Variants in DDB2 observed in about 807,000 individuals in gnomAD.
The protein encoded by DDB2 is damage specific DNA binding protein 2.
Under a neutral mutation model 50.5 loss-of-function variants are expected in DDB2, and 27 were observed. The ratio of observed to expected loss-of-function variants is 0.53; its 90% CI spans 0.39 to 0.74. The LOEUF is 0.74. DDB2 is among the 30% of genes least tolerant of loss of function. DDB2 has a pLI of 0.00. For missense variants in DDB2, 424 were observed against 545.6 expected, an observed-to-expected ratio of 0.78 and a Z score of 2.22; for synonymous variants, 176 against 205.5, an observed-to-expected ratio of 0.86 and a Z score of 1.23.
rs374456936 is a variant in DDB2 at position 47,216,290 on chromosome 11, C to G, written c.128-46C>G. On this transcript the variant is annotated intron_variant, in intron 1 of 9. Coordinates refer to ENST00000256996, the MANE Select transcript of DDB2 (RefSeq NM_000107.3). ...CCTTTCGGGGAATTCAGCAGAAAAA[C>G]CTTTCGTGAGATTGGAGAGGAAAAT... 2.3e-5 allele frequency: 37 copies of G among 1,613,912 alleles called. No homozygotes were observed. In the African/African-American group the frequency reaches 4.0e-4, roughly 17 times the overall value.
upstream of DDB2, chr11:47,214,856 C>G (rs1404904636): frequency 2.0e-6 from 1 of 503,054 alleles, no homozygotes; most frequent in Non-Finnish European, 3.6e-6. Flanking sequence ...GGCCCTGGCG[C>G]AGTTCCCGCC....
At chr11:47,216,104 T>C in intron 1 of DDB2, 3 of 665,672 alleles carry the variant, frequency 4.5e-6, no homozygotes, top group Non-Finnish European at 8.1e-6. Flanking sequence ...ACGACTGTAT[T>C]TACTTTCACT....
At chr11:47,224,031 G>A (rs991452270) in intron 3 of DDB2, among the ~76,000 whole-genome samples, 1 of 151,326 alleles carries the variant, frequency 6.6e-6, no homozygotes, top group East Asian at 2.0e-4. Context: ...AGCCCAGGGG[G>A]ACAAGGCTTC....
intron 3 of DDB2, among the ~76,000 whole-genome samples, chr11:47,218,668 G>C (rs1270456243): frequency 6.6e-6 from 1 of 151,892 alleles, no homozygotes; most frequent in Non-Finnish European, 1.5e-5. Flanking sequence ...TGACATTGGA[G>C]GGCTGTGCTG....
intron 3 of DDB2, among the ~76,000 whole-genome samples, chr11:47,228,054 C>T (rs939438864): frequency 6.9e-6 from 1 of 145,966 alleles, no homozygotes; most frequent in African/African-American, 2.5e-5. Context: ...GCAAGAGAAT[C>T]GTTTGAACTT....
In DDB2 at chr11:47,238,442, G is replaced by A. The variant is rs4647757; in HGVS notation, c.1234+259G>A. Among the ~76,000 whole-genome samples the A allele has an allele frequency of 0.3, 45,666 of 151,260 alleles. 8,204 individuals are homozygous for A. The highest frequency in any genetic ancestry group is 0.69 in the East Asian group (3,564 of 5,142). On this transcript the variant is annotated intron_variant, in intron 9 of 9. Transcript: ENST00000256996. ...AGACGGAGTCTCGCTCTGTCCCCCCGGGCTGGAGTGCAGTGGCGTGATCTT... is the reference window on the plus strand; with the variant it reads ...AGACGGAGTCTCGCTCTGTCCCCCCAGGCTGGAGTGCAGTGGCGTGATCTT...
chr11:47,219,327 G>A (rs999523102), intron 3 of DDB2, among the ~76,000 whole-genome samples: 3 of 151,784 alleles, frequency 2.0e-5, no homozygotes, highest in Non-Finnish European at 4.4e-5. Flanking sequence ...CAATGGCGTT[G>A]GGTAAATTGT....
At chr11:47,226,978 T>G (rs1953567838) in intron 3 of DDB2, among the ~76,000 whole-genome samples, 1 of 151,970 alleles carries the variant, frequency 6.6e-6, no homozygotes, top group African/African-American at 2.4e-5. Flanking sequence ...AAAATTTTTT[T>G]TTATAGAGAT....
rs1953670903 is a variant in DDB2 at position 47,232,952 on chromosome 11, A to G, written c.595A>G (p.Thr199Ala). Reference sequence around the variant, plus strand: ...TCTACGAGTTTTTGCCAGCTCAGACACCATCAAGTGAGTAGTTTAACTAGC... The same window carrying G: ...TCTACGAGTTTTTGCCAGCTCAGACGCCATCAAGTGAGTAGTTTAACTAGC... Reference protein sequence around the residue: ...NILRVFASSDTINIWFCSLDV... With the variant: ...NILRVFASSDAINIWFCSLDV... The change falls in exon 4 of 10, where the codon ACC (threonine) becomes GCC (alanine). Residue 199 changes from threonine (T) to alanine (A), a missense_variant. Transcript: ENST00000256996. 6.2e-7 allele frequency: 1 copy of G among 1,614,100 alleles called. No individual in the cohort carries two copies. Among genetic ancestry groups the G allele is most frequent in the Admixed American group, 1.7e-5 (1 of 59,994 alleles).
chr11:47,238,201 G>A lies in DDB2; in HGVS notation c.1234+18G>A. On this transcript the variant is annotated intron_variant, in intron 9 of 9. Coordinates refer to ENST00000256996, the MANE Select transcript of DDB2 (RefSeq NM_000107.3). ...TGCAATGGGTGAGTAGGAGGAGAATGTCTCTGACTTGCCAAGTCCGATCCT... is the reference window on the plus strand; with the variant it reads ...TGCAATGGGTGAGTAGGAGGAGAATATCTCTGACTTGCCAAGTCCGATCCT... The A allele has an allele frequency of 1.2e-6, 2 of 1,603,260 alleles. No homozygotes were observed. Among genetic ancestry groups the A allele is most frequent in the Admixed American group, 1.7e-5 (1 of 58,520 alleles).
At chr11:47,233,086 C>A in intron 4 of DDB2, 127 bp downstream of exon 4, 1 of 1,149,506 alleles carries the variant, frequency 8.7e-7, no homozygotes, top group Non-Finnish European at 1.3e-6. Flanking sequence ...AGCCACTTTC[C>A]GCCCTTCTTT....
chr11:47,230,275 T>C (rs1041159488), intron 3 of DDB2, among the ~76,000 whole-genome samples: 1 of 152,056 alleles, frequency 6.6e-6, no homozygotes, highest in Non-Finnish European at 1.5e-5. Flanking sequence ...ATCAAGGTTT[T>C]GAACTCCTGG....
rs149919159 is a variant in DDB2, at chr11:47,224,250, C to G, written c.456+7201C>G. On this transcript the variant is annotated intron_variant, in intron 3 of 9. Transcript: ENST00000256996. ...TATGGATTTTTTTTTTCTTTTGAGACAAAGTCTCACTCTGTCGCCCAGGCT... is the reference window on the plus strand; with the variant it reads ...TATGGATTTTTTTTTTCTTTTGAGAGAAAGTCTCACTCTGTCGCCCAGGCT... Among the ~76,000 whole-genome samples, 784 of 151,500 alleles carry G rather than the reference C, an allele frequency of 5.2e-3. 10 individuals are homozygous for G. Among genetic ancestry groups the G allele is most frequent in the African/African-American group, 0.018 (750 of 41,288 alleles).
At chr11:47,228,977 A>ATATCTATCTATCTATCTATC (rs59098720) in intron 3 of DDB2, among the ~76,000 whole-genome samples, 3,199 of 124,628 alleles carry the variant, frequency 0.026, 70 homozygotes, top group Non-Finnish European at 0.034. Flanking sequence ...AAAAAAAGAA[A>ATATCTATCTATCTATCTATC]TATCTATCTA....
chr11:47,215,262 C>A lies in DDB2; in HGVS notation c.126C>A (p.Ser42=). The change falls in exon 1 of 10, where the codon TCC becomes TCA. Residue 42 remains serine (S), a splice_region_variant and synonymous_variant. Transcript: ENST00000256996. ...CCAAGAAGCTCTGTGCGAAGGGCTC[C>A]GGTACTGCCTGTGCCTGCTGCTTGA... ...PEAKKLCAKG[S]GPSRRCDSDC... 1 of 1,613,910 alleles carries A rather than the reference C, an allele frequency of 6.2e-7. No individual in the cohort carries two copies.
At chr11:47,233,647 T>C (rs570468778) in intron 4 of DDB2, among the ~76,000 whole-genome samples, 2 of 151,514 alleles carry the variant, frequency 1.3e-5, no homozygotes, top group Admixed American at 6.6e-5. Flanking sequence ...AGGCAGAGGT[T>C]GCAGTGAGCC....
chr11:47,228,505 T>C (rs1953592262), intron 3 of DDB2, among the ~76,000 whole-genome samples: 1 of 151,196 alleles, frequency 6.6e-6, no homozygotes. Context: ...TCGCCAAGCA[T>C]GGTAGCAGGT....
rs767210223 is a variant in DDB2 at position 47,239,214 on chromosome 11, C to T, written c.*365C>T. 2 of 354,956 alleles carry T rather than the reference C, an allele frequency of 5.6e-6. No individual in the cohort carries two copies. Among genetic ancestry groups the T allele is most frequent in the Admixed American group, 4.3e-5 (1 of 23,526 alleles). The allele number at this position is 354,956 out of a possible 1,614,324, so 22.0% of individuals were successfully genotyped here. A position where few individuals can be genotyped will look rare whatever the true frequency, so the allele number is the denominator to read the frequency against. On this transcript the variant is annotated 3_prime_UTR_variant, in exon 10 of 10. Coordinates refer to ENST00000256996, the MANE Select transcript of DDB2 (RefSeq NM_000107.3). Reference sequence around the variant, plus strand: ...GATATGGCCAATAAAACCATACCGACTGAGCTTCTGCGTGGATCTTCCAGA... The same window carrying T: ...GATATGGCCAATAAAACCATACCGATTGAGCTTCTGCGTGGATCTTCCAGA...
chr11:47,235,454 T>C, intron 7 of DDB2, 42 bp downstream of exon 7: 2 of 1,595,096 alleles, frequency 1.3e-6, no homozygotes, highest in African/African-American at 1.3e-5. Flanking sequence ...GAGGCTGTGA[T>C]CATGAGGCCG....
Sources: allele counts gnomAD v4.1 joint callset (sites outside exome capture counted in the v4.1 genomes callset), GRCh38; gene constraint gnomAD v4.1.1; transcripts MANE v1.5; gene names NCBI Gene and HGNC (gene_info 2026-07-23, HGNC 2026-07-21).